Variants in ANKS1B observed in about 807,000 individuals in gnomAD.
ANKS1B encodes the protein ankyrin repeat and sterile alpha motif domain-containing protein 1B.
ANKS1B carries 36 observed loss-of-function variants against 148.3 expected under a neutral mutation model. The ratio of observed to expected loss-of-function variants is 0.24; its 90% CI spans 0.19 to 0.32. The LOEUF is 0.32. Among genes scored for constraint, ANKS1B ranks in the 10% least tolerant of loss-of-function variants. The probability of loss-of-function intolerance (pLI) is 1.00; values close to 1 mark genes in which losing one functional copy is unlikely to be tolerated. For missense variants in ANKS1B, 1,157 were observed against 1,542.6 expected (o/e 0.75, Z 4.19); for synonymous variants, 542 against 560.8 (o/e 0.97, Z 0.47).
At chr12:98,756,556 CAA>C (rs536086383) in intron 25 of ANKS1B, among the ~76,000 whole-genome samples, 26,089 of 104,460 alleles carry the variant, frequency 0.25, 2,548 homozygotes, top group East Asian at 0.31. Flanking sequence ...ACTAAAAATA[CAA>C]AAAAAAAAAA....
At chr12:99,124,027 G>C (rs932762515) in intron 15 of ANKS1B, among the ~76,000 whole-genome samples, 2 of 152,182 alleles carry the variant, frequency 1.3e-5, no homozygotes, top group African/African-American at 4.8e-5. Context: ...GTCCATGCAG[G>C]GTCTTGGAAA....
At chr12:99,783,878 T>C (rs539360064) in intron 4 of ANKS1B, among the ~76,000 whole-genome samples, 1 of 152,252 alleles carries the variant, frequency 6.6e-6, no homozygotes, top group Non-Finnish European at 1.5e-5. Flanking sequence ...AGAGGATTTT[T>C]TAATGTTCCC....
At chr12:99,806,919 C>T (rs2067694860) in intron 3 of ANKS1B, among the ~76,000 whole-genome samples, 1 of 152,122 alleles carries the variant, frequency 6.6e-6, no homozygotes, top group South Asian at 2.1e-4. Context: ...AACAATCCAA[C>T]ATTTCCCTAA....
At chr12:99,632,087 G>A (rs2098166793) in intron 9 of ANKS1B, among the ~76,000 whole-genome samples, 1 of 152,104 alleles carries the variant, frequency 6.6e-6, no homozygotes, top group South Asian at 2.1e-4. Context: ...CATTGCCCAG[G>A]TCCAACTTGT....
At chr12:98,843,779 C>A (rs75578798) in intron 17 of ANKS1B, among the ~76,000 whole-genome samples, 1,851 of 152,290 alleles carry the variant, frequency 0.012, 55 homozygotes, top group East Asian at 0.098. Flanking sequence ...CATGGGGAGA[C>A]ACTGAATCTT....
intron 9 of ANKS1B, among the ~76,000 whole-genome samples, chr12:99,513,977 T>G (rs960360888): frequency 6.6e-6 from 1 of 152,074 alleles, no homozygotes; most frequent in African/African-American, 2.4e-5. Context: ...TTTTAAACAT[T>G]TAACACGGTC....
At chr12:99,794,835 A>T (rs147999651) in intron 4 of ANKS1B, among the ~76,000 whole-genome samples, 2 of 152,082 alleles carry the variant, frequency 1.3e-5, no homozygotes, top group Admixed American at 1.3e-4. Flanking sequence ...TACATTTAAA[A>T]ATAAATAATT....
At chr12:99,339,236 A>G (rs2089496144) in intron 12 of ANKS1B, among the ~76,000 whole-genome samples, 1 of 152,144 alleles carries the variant, frequency 6.6e-6, no homozygotes, top group Admixed American at 6.5e-5. Context: ...CTGACTAGGG[A>G]TGCTCTAAGT....
At chr12:99,722,602 C>T (rs747995357) in intron 8 of ANKS1B, among the ~76,000 whole-genome samples, 40 of 152,174 alleles carry the variant, frequency 2.6e-4, no homozygotes, top group Non-Finnish European at 4.9e-4. Flanking sequence ...TACCCAAGAG[C>T]TCTGACTGGA....
chr12:99,342,461 A>G (rs1403779849), intron 12 of ANKS1B, among the ~76,000 whole-genome samples: 5 of 152,076 alleles, frequency 3.3e-5, no homozygotes, highest in Non-Finnish European at 5.9e-5. Context: ...TGACCCTGCG[A>G]TAAGTCTAAA....
At chr12:98,885,309 A>G (rs1245694121) in intron 17 of ANKS1B, among the ~76,000 whole-genome samples, 2 of 152,242 alleles carry the variant, frequency 1.3e-5, no homozygotes, top group African/African-American at 4.8e-5. Context: ...CAGCCAAGGA[A>G]AGAGAAGATT....
chr12:99,043,839 C>A (rs1427187358), intron 17 of ANKS1B, among the ~76,000 whole-genome samples: 1 of 152,124 alleles, frequency 6.6e-6, no homozygotes, highest in East Asian at 1.9e-4. Context: ...ATAGTGTTAA[C>A]CATTATAATT....
chr12:99,792,220 G>A (rs895904776), intron 4 of ANKS1B, among the ~76,000 whole-genome samples: 3 of 151,588 alleles, frequency 2.0e-5, no homozygotes, highest in Non-Finnish European at 3.0e-5. Flanking sequence ...CCAAACAGAC[G>A]AATAACAAGT....
intron 17 of ANKS1B, among the ~76,000 whole-genome samples, chr12:98,939,518 G>T (rs1361367959): frequency 2.6e-5 from 4 of 152,188 alleles, no homozygotes; most frequent in Admixed American, 2.6e-4. Flanking sequence ...ACCACTCAGG[G>T]ACTAGTTGAG....
At chr12:99,608,894 T>C (rs1016068665) in intron 9 of ANKS1B, among the ~76,000 whole-genome samples, 2 of 151,850 alleles carry the variant, frequency 1.3e-5, no homozygotes, top group Non-Finnish European at 2.9e-5. Context: ...GAAGGCCCAC[T>C]CAAGGAAACT....
At position 99,408,513 on chromosome 12, in the gene ANKS1B, TA is replaced by T. The variant is rs376104751; in HGVS notation, c.1576-8703del. ...GCGGACAAGTGAGATTATATCAAGC[TA>T]AAAACTTCTGCACAGCAAAGGAAAC... On this transcript the variant is annotated intron_variant, in intron 11 of 26. Coordinates refer to ENST00000683438, the MANE Select transcript of ANKS1B (RefSeq NM_001352186.2). Among the ~76,000 whole-genome samples, 274 of 145,248 alleles carry T rather than the reference TA, an allele frequency of 1.9e-3. 34 individuals are homozygous for T. The highest frequency in any genetic ancestry group is 6.8e-3 in the African/African-American group (260 of 38,314).
At chr12:99,493,001 C>A (rs1320466189) in intron 10 of ANKS1B, among the ~76,000 whole-genome samples, 1 of 152,146 alleles carries the variant, frequency 6.6e-6, no homozygotes, top group African/African-American at 2.4e-5. Context: ...CTTCTCTCAC[C>A]ACTCCTATTT....
intron 26 of ANKS1B, among the ~76,000 whole-genome samples, chr12:98,747,849 G>A (rs1488826672): frequency 6.6e-6 from 1 of 152,190 alleles, no homozygotes; most frequent in Non-Finnish European, 1.5e-5. Context: ...AAATAAGCCA[G>A]ACACAGAAAG....
intron 9 of ANKS1B, among the ~76,000 whole-genome samples, chr12:99,551,481 G>A (rs1406053199): frequency 7.5e-6 from 1 of 133,650 alleles, no homozygotes; most frequent in Non-Finnish European, 1.6e-5. Flanking sequence ...ACCTAACAGT[G>A]TCAGATTCTT....
Sources: gnomAD v4.1 joint callset for allele counts (sites outside exome capture counted in the v4.1 genomes callset) on GRCh38, gnomAD v4.1.1 for gene constraint, MANE v1.5 for transcripts, NCBI Gene and HGNC (gene_info 2026-07-23, HGNC 2026-07-21) for gene names.